Variants in ZNF236 observed in about 807,000 individuals in gnomAD.
ZNF236 encodes the protein regulated by glucose.
In ZNF236, 50 loss-of-function variants were observed where a neutral mutation model predicts 191.2. The observed-to-expected ratio is 0.26, with a 90% CI of 0.21 to 0.33. ZNF236 has a LOEUF of 0.33. Among genes scored for constraint, ZNF236 ranks in the 10% least tolerant of loss-of-function variants. The pLI is 1.00. For synonymous variants in ZNF236, 907 were observed against 928.8 expected (o/e 0.98, Z 0.43); for missense variants, 1,754 against 2,374.5 (o/e 0.74, Z 5.43).
chr18:76,906,807 G>A (rs982146457), intron 13 of ZNF236, among the ~76,000 whole-genome samples: 2 of 152,238 alleles, frequency 1.3e-5, no homozygotes, highest in Non-Finnish European at 2.9e-5. Context: ...CAGAGCTGCA[G>A]TGCTTTGCTT....
At chr18:76,825,361 T>C (rs1192864625) in intron 1 of ZNF236, among the ~76,000 whole-genome samples, 1 of 152,180 alleles carries the variant, frequency 6.6e-6, no homozygotes, top group Non-Finnish European at 1.5e-5. Flanking sequence ...AGACTAAGAC[T>C]GTTAGGCTTT....
At chr18:76,964,347 A>G (rs939919484) in intron 30 of ZNF236, among the ~76,000 whole-genome samples, 1 of 152,056 alleles carries the variant, frequency 6.6e-6, no homozygotes, top group Admixed American at 6.5e-5. Flanking sequence ...AGGTTATTGA[A>G]TTTTCATGTA....
intron 14 of ZNF236, among the ~76,000 whole-genome samples, chr18:76,908,942 GGTGTGTGTGTATGTGTGTGTCTGTGT>G (rs1322225248): frequency 6.8e-6 from 1 of 145,996 alleles, no homozygotes; most frequent in Non-Finnish European, 1.5e-5. Context: ...AATATGCAGG[GGTGTGTGTGTATGTGTGTGTCTGTGT>G]GTGTGTGTGT....
chr18:76,858,035 C>T (rs937952812), intron 3 of ZNF236, among the ~76,000 whole-genome samples: 4 of 151,538 alleles, frequency 2.6e-5, no homozygotes, highest in Admixed American at 6.6e-5. Flanking sequence ...TGTTGTGTTA[C>T]GTGCCTGTAG....
chr18:76,853,915 C>T (rs956951960), intron 3 of ZNF236, among the ~76,000 whole-genome samples: 12 of 151,298 alleles, frequency 7.9e-5, no homozygotes, highest in South Asian at 4.2e-4. Context: ...GAGGCTAAGG[C>T]GGGAGAATCA....
Position 76,840,566 on chromosome 18 carries a change from G to A in ZNF236, c.56-8960G>A, listed in dbSNP as rs575900491. Among the ~76,000 whole-genome samples, 8 of 149,424 alleles carry A rather than the reference G, an allele frequency of 5.4e-5. No homozygotes were observed. The South Asian group carries it at 6.3e-4, about 12-fold the overall frequency. On this transcript the variant is annotated intron_variant, in intron 1 of 30. Transcript: ENST00000320610. ...AAGAAAGAGTTTACACGAATACAACGAATACATACAGATACTGACAAAATT... is the reference window on the plus strand; with the variant it reads ...AAGAAAGAGTTTACACGAATACAACAAATACATACAGATACTGACAAAATT...
chr18:76,881,684 G>A (rs1398514107), intron 9 of ZNF236, among the ~76,000 whole-genome samples, 172 bp downstream of exon 9: 2 of 152,168 alleles, frequency 1.3e-5, no homozygotes, highest in African/African-American at 2.4e-5. Flanking sequence ...GCCATAAAAT[G>A]CCTGAAACTT....
chr18:76,855,274 T>C (rs1026877906), intron 3 of ZNF236, among the ~76,000 whole-genome samples: 1 of 152,180 alleles, frequency 6.6e-6, no homozygotes, highest in Admixed American at 6.5e-5. Context: ...TGTATTAATA[T>C]ATTTTGGAAT....
chr18:76,894,612 A>G lies in ZNF236; in HGVS notation c.1418-401A>G, dbSNP rs1014258746. ...TACTGTTTCTTAATTATTTGCATTT[A>G]TATTTTTTTAATTGGTGATATCCAG... On this transcript the variant is annotated intron_variant, in intron 9 of 30. Coordinates refer to ENST00000320610, the MANE Select transcript of ZNF236 (RefSeq NM_001306089.2). Among the ~76,000 whole-genome samples the G allele has an allele frequency of 2.0e-5, 3 of 152,106 alleles. No individual in the cohort carries two copies. The East Asian group carries it at 5.8e-4, about 29-fold the overall frequency.
chr18:76,933,862 C>A (rs1475371544), intron 25 of ZNF236, among the ~76,000 whole-genome samples: 1 of 152,136 alleles, frequency 6.6e-6, no homozygotes, highest in African/African-American at 2.4e-5. Flanking sequence ...TGGATCTCAA[C>A]TGTATAGTAG....
At chr18:76,823,883 G>A (rs1330366434) in intron 1 of ZNF236, among the ~76,000 whole-genome samples, 1 of 152,188 alleles carries the variant, frequency 6.6e-6, no homozygotes, top group Non-Finnish European at 1.5e-5. Flanking sequence ...GGCCTTGGAC[G>A]CGAGTCTCCC....
At chr18:76,913,715 C>T (rs773963825) in intron 17 of ZNF236, 32 bp from the exon 18 acceptor site, 16 of 1,603,854 alleles carry the variant, frequency 1.0e-5, no homozygotes, top group East Asian at 4.5e-5. Flanking sequence ...TATGAATTAA[C>T]GTGGTCTGAG....
Position 76,959,803 on chromosome 18 carries a change from C to T in ZNF236, c.5229C>T (p.Ser1743=). The change falls in exon 29 of 31, where the codon AGC becomes AGT. Residue 1743 remains serine (S), a synonymous_variant. Coordinates refer to ENST00000320610, the MANE Select transcript of ZNF236 (RefSeq NM_001306089.2). The part of the protein sequence containing the change: ...FAKPSQLERH[S]RIHTGERPFH... ...AACCAAGCCAGCTGGAGCGCCACAGCCGCATACATACAGGTAACGGGGAAG... is the reference window on the plus strand; with the variant it reads ...AACCAAGCCAGCTGGAGCGCCACAGTCGCATACATACAGGTAACGGGGAAG... 1 of 1,614,002 alleles carries T rather than the reference C, an allele frequency of 6.2e-7. No individual in the cohort carries two copies. Among genetic ancestry groups the T allele is most frequent in the Non-Finnish European group, 8.5e-7 (1 of 1,179,956 alleles).
chr18:76,968,945 C>A lies in ZNF236; in HGVS notation c.*606C>A, dbSNP rs570769941. On this transcript the variant is annotated 3_prime_UTR_variant, in exon 31 of 31. Coordinates refer to ENST00000320610, the MANE Select transcript of ZNF236 (RefSeq NM_001306089.2). ...ATTCTCTCCATGACAAATGTTTAAT[C>A]ATTAGTTACAAGAATGCAGTATCTG... 901 of 985,738 alleles carry A rather than the reference C, an allele frequency of 9.1e-4. 1 individual carries two copies. The highest frequency in any genetic ancestry group is 1.2e-3 in the Admixed American group (19 of 16,254). The allele number at this position is 985,738 out of a possible 1,614,324, so 61.1% of individuals were successfully genotyped here.
chr18:76,915,699 C>T lies in ZNF236; in HGVS notation c.3114C>T (p.Gly1038=), dbSNP rs767674010. The T allele has an allele frequency of 6.2e-6, 10 of 1,614,144 alleles. No homozygotes were observed. The highest frequency in any genetic ancestry group is 1.7e-5 in the Admixed American group (1 of 60,022). The change falls in exon 19 of 31, where the codon GGC becomes GGT. Residue 1038 remains glycine (G), a synonymous_variant. Transcript: ENST00000320610. ...SVCNASFTTN[G]SLTRHMATHM... is the part of the protein sequence containing the mutation. ...GCAATGCTTCCTTCACCACCAATGGCAGCCTCACCCGGCACATGGCCACAC... is the reference window on the plus strand; with the variant it reads ...GCAATGCTTCCTTCACCACCAATGGTAGCCTCACCCGGCACATGGCCACAC...
chr18:76,854,121 T>C (rs1212398961), intron 3 of ZNF236, among the ~76,000 whole-genome samples: 1 of 152,156 alleles, frequency 6.6e-6, no homozygotes, highest in Non-Finnish European at 1.5e-5. Flanking sequence ...AACAGGTTGA[T>C]TTAGCCATTC....
rs776102499 is a variant in ZNF236 at position 76,907,064 on chromosome 18, G to A, written c.2298-1256G>A. Among the ~76,000 whole-genome samples, 12 of 152,320 alleles carry A rather than the reference G, an allele frequency of 7.9e-5. No homozygotes were observed. In the South Asian group the frequency reaches 1.0e-3, roughly 13 times the overall value. Reference sequence around the variant, plus strand: ...TAGAGTGGCTTTTACAGGCCCCTGCGTGCCACTGCGCTGCTGTGTGGAAGC... The same window carrying A: ...TAGAGTGGCTTTTACAGGCCCCTGCATGCCACTGCGCTGCTGTGTGGAAGC... On this transcript the variant is annotated intron_variant, in intron 13 of 30. Transcript: ENST00000320610.
chr18:76,844,745 T>C (rs544520104), intron 1 of ZNF236, among the ~76,000 whole-genome samples: 4 of 152,320 alleles, frequency 2.6e-5, no homozygotes, highest in Admixed American at 2.6e-4. Context: ...CGGCATCCAG[T>C]AGACATTTTG....
At chr18:76,853,334 C>T (rs946849631) in intron 3 of ZNF236, among the ~76,000 whole-genome samples, 4 of 152,118 alleles carry the variant, frequency 2.6e-5, no homozygotes, top group Non-Finnish European at 4.4e-5. Flanking sequence ...CTGCCATGGC[C>T]TCCCAAAATG....
Sources: allele counts gnomAD v4.1 joint callset (sites outside exome capture counted in the v4.1 genomes callset), GRCh38; gene constraint gnomAD v4.1.1; transcripts MANE v1.5; gene names NCBI Gene and HGNC (gene_info 2026-07-23, HGNC 2026-07-21).